Variants in CFAP47 observed in about 807,000 individuals in gnomAD.
The protein encoded by CFAP47 is cilia- and flagella-associated protein 47.
A neutral mutation model predicts 148.1 loss-of-function variants in CFAP47; 29 were observed. The observed-to-expected ratio is 0.20, with a 90% confidence interval of 0.15 to 0.27. The LOEUF (loss-of-function observed/expected upper bound fraction) is 0.27, where lower values mean the gene tolerates loss of function less well. CFAP47 is among the 10% of genes least tolerant of loss of function. The pLI, the probability that CFAP47 is intolerant of heterozygous loss-of-function variation, is 1.00. For synonymous variants in CFAP47, 664 were observed against 577.3 expected, an observed-to-expected ratio of 1.15 and a Z score of -2.15; for missense variants, 1,872 against 1,697.5, an observed-to-expected ratio of 1.10 and a Z score of -1.81.
At chrX:36,352,564 T>G (rs1334269382) in intron 59 of CFAP47, among the ~76,000 whole-genome samples, 1 of 110,830 alleles carries the variant, frequency 9.0e-6, no homozygotes, top group Non-Finnish European at 1.9e-5. Context: ...CAAGCTTTTT[T>G]ATATTATGAT....
In CFAP47 at chrX:36,385,241, G is replaced by T; in HGVS notation, c.*235G>T. On this transcript the variant is annotated 3_prime_UTR_variant, in exon 64 of 64. Coordinates refer to ENST00000378653, the MANE Select transcript of CFAP47 (RefSeq NM_001304548.2). ...TTTTAAAGTGCAGGTGTATATTTGT[G>T]GTAAAACGAAATATAATTTAAATGA... is the stretch of plus-strand genomic sequence containing the variant. 6.8e-6 allele frequency: 2 copies of T among 295,291 alleles called. No individual in the cohort carries two copies. Among genetic ancestry groups the T allele is most frequent in the Non-Finnish European group, 1.2e-5 (2 of 169,420 alleles). The allele number at this position is 295,291 out of a possible 1,213,427, so 24.3% of individuals were successfully genotyped here.
At chrX:36,340,543 C>T (rs1941643522) in intron 57 of CFAP47, among the ~76,000 whole-genome samples, 1 of 111,487 alleles carries the variant, frequency 9.0e-6, no homozygotes, top group Admixed American at 9.6e-5. Context: ...TTTCTCAGTG[C>T]ATTTGCCCCC....
At chrX:36,110,976 GT>G (rs1295582367) in intron 33 of CFAP47, among the ~76,000 whole-genome samples, 5 of 112,033 alleles carry the variant, frequency 4.5e-5, no homozygotes, top group African/African-American at 6.5e-5. Context: ...CTTTGCTTAA[GT>G]TGTTTATCAG....
chrX:36,340,495 G>GGA (rs782099847), intron 57 of CFAP47, among the ~76,000 whole-genome samples: 1 of 111,767 alleles, frequency 8.9e-6, no homozygotes, highest in East Asian at 2.8e-4. Flanking sequence ...TTTCTTCTGA[G>GGA]GCCTCTTTCC....
chrX:36,340,717 A>G (rs1158655266), intron 57 of CFAP47, among the ~76,000 whole-genome samples: 1 of 111,606 alleles, frequency 9.0e-6, no homozygotes, highest in Admixed American at 9.6e-5. Context: ...CAACATATGA[A>G]TTTTTATGTT....
At chrX:35,952,559 T>C (rs1192412051) in intron 6 of CFAP47, among the ~76,000 whole-genome samples, 3 of 112,163 alleles carry the variant, frequency 2.7e-5, no homozygotes, top group Non-Finnish European at 5.6e-5. Flanking sequence ...AGTTGTAATA[T>C]GTGTGAACTG....
intron 46 of CFAP47, among the ~76,000 whole-genome samples, chrX:36,232,118 C>T (rs1394513143): frequency 9.0e-6 from 1 of 111,171 alleles, no homozygotes; most frequent in African/African-American, 3.3e-5. Context: ...CAGGATGATG[C>T]CGGCATCATA....
chrX:36,223,978 C>T (rs1940242015), intron 45 of CFAP47, among the ~76,000 whole-genome samples: 1 of 110,440 alleles, frequency 9.1e-6, no homozygotes, highest in Non-Finnish European at 1.9e-5. Context: ...AATACATGTA[C>T]CTCCCTGTAT....
chrX:36,084,508 A>G (rs1381651574), intron 29 of CFAP47, among the ~76,000 whole-genome samples: 3 of 111,463 alleles, frequency 2.7e-5, no homozygotes, highest in Non-Finnish European at 5.7e-5. Flanking sequence ...TGAACTTCCT[A>G]TCTACCAAAG....
intron 15 of CFAP47, among the ~76,000 whole-genome samples, chrX:35,980,134 C>T (rs1259124765): frequency 8.9e-6 from 1 of 112,174 alleles, no homozygotes; most frequent in Non-Finnish European, 1.9e-5. Context: ...TACATCCCAA[C>T]ATCAGGCAAA....
chrX:36,002,753 G>C (rs1402670823), intron 21 of CFAP47, among the ~76,000 whole-genome samples: 3 of 111,225 alleles, frequency 2.7e-5, no homozygotes, highest in South Asian at 7.6e-4. Flanking sequence ...GTATAGATTA[G>C]AATTAAGAGA....
At chrX:36,254,754 C>T (rs1283737766) in intron 49 of CFAP47, among the ~76,000 whole-genome samples, 1 of 111,238 alleles carries the variant, frequency 9.0e-6, no homozygotes, top group Admixed American at 9.6e-5. Flanking sequence ...ACTGAGGGAC[C>T]TCACTGGGAC....
intron 42 of CFAP47, among the ~76,000 whole-genome samples, chrX:36,197,736 T>C (rs1555987417): frequency 1.8e-5 from 2 of 111,513 alleles, no homozygotes; most frequent in African/African-American, 6.5e-5. Context: ...TTGCCAGGAG[T>C]GTATAGACTT....
At chrX:36,109,409 C>T (rs750389488) in intron 33 of CFAP47, among the ~76,000 whole-genome samples, 18 of 111,776 alleles carry the variant, frequency 1.6e-4, no homozygotes, top group South Asian at 3.7e-4. Flanking sequence ...ACACTCCCAG[C>T]GACAGTTTAT....
chrX:36,106,919 G>T (rs1938475689), intron 33 of CFAP47, among the ~76,000 whole-genome samples: 1 of 111,344 alleles, frequency 9.0e-6, no homozygotes, highest in Non-Finnish European at 1.9e-5. Flanking sequence ...TTATACATTT[G>T]TTAAAACCCA....
At chrX:35,942,028 CTGTG>C (rs59083788) in intron 3 of CFAP47, among the ~76,000 whole-genome samples, 17,675 of 103,707 alleles carry the variant, frequency 0.17, 1,225 homozygotes, top group East Asian at 0.24. Flanking sequence ...GTGTGTGTGT[CTGTG>C]TGTGTGTGTG....
chrX:36,059,136 TA>T (rs956759253), intron 26 of CFAP47, among the ~76,000 whole-genome samples: 10 of 111,784 alleles, frequency 8.9e-5, no homozygotes, highest in Non-Finnish European at 1.9e-4. Context: ...TCTTTGTTTA[TA>T]AAAAAATTAG....
intron 40 of CFAP47, among the ~76,000 whole-genome samples, chrX:36,187,104 T>C (rs1452964563): frequency 8.9e-6 from 1 of 111,901 alleles, no homozygotes; most frequent in Non-Finnish European, 1.9e-5. Context: ...TCAGGTAAAA[T>C]AGAATTTTTC....
chrX:35,960,250 GC>G (rs2146652332), intron 8 of CFAP47, among the ~76,000 whole-genome samples: 1 of 107,076 alleles, frequency 9.3e-6, no homozygotes, highest in Admixed American at 1.0e-4. Flanking sequence ...TGTAATTACT[GC>G]AGCTTTATGG....
Sources: allele counts gnomAD v4.1 joint callset (sites outside exome capture counted in the v4.1 genomes callset), GRCh38; gene constraint gnomAD v4.1.1; transcripts MANE v1.5; gene names NCBI Gene and HGNC (gene_info 2026-07-23, HGNC 2026-07-21).